FXYD2: variants seen among roughly 807,000 people sequenced by gnomAD.
FXYD2 encodes sodium/potassium-transporting ATPase subunit gamma.
In FXYD2, 8 loss-of-function variants were observed where a neutral mutation model predicts 11.8. The ratio of observed to expected loss-of-function variants is 0.68; its 90% CI spans 0.40 to 1.22. FXYD2 has a LOEUF of 1.22. Among genes scored for constraint, FXYD2 ranks in the 50% most tolerant of loss-of-function variants. FXYD2 has a pLI of 0.01. For synonymous variants in FXYD2, 42 were observed against 33.3 expected (o/e 1.26, Z -0.90); for missense variants, 92 against 91.8 (o/e 1.00, Z -0.01).
chr11:117,825,688 G>A (rs975097661), upstream of FXYD2, among the ~76,000 whole-genome samples: 2 of 151,998 alleles, frequency 1.3e-5, no homozygotes, highest in African/African-American at 2.4e-5. Flanking sequence ...TCCACACCTC[G>A]CAGGCAGCCT....
upstream of FXYD2, among the ~76,000 whole-genome samples, chr11:117,826,778 G>GTCTATCTGTCTA (rs1555040290): frequency 6.5e-4 from 82 of 125,874 alleles, no homozygotes; most frequent in East Asian, 0.014. Flanking sequence ...CTGTCTGTCT[G>GTCTATCTGTCTA]TCTATCTATC....
chr11:117,820,952 G>A, intron 3 of FXYD2, 57 bp from the exon 4 acceptor site: 1 of 1,613,820 alleles, frequency 6.2e-7, no homozygotes, highest in Admixed American at 1.7e-5. Flanking sequence ...GGAGACCCTG[G>A]AAGACTCAAA....
Position 117,822,740 on chromosome 11 carries a change from A to G in FXYD2, c.26-23T>C, listed in dbSNP as rs1158531156. 6.2e-7 allele frequency: 1 copy of G among 1,606,036 alleles called. No individual in the cohort carries two copies. Among genetic ancestry groups the G allele is most frequent in the East Asian group, 2.2e-5 (1 of 44,564 alleles). On this transcript the variant is annotated intron_variant, in intron 1 of 5. Transcript: ENST00000292079. This position sits in a 1 kb window ranked among gnomAD's most constrained non-coding sequence, Gnocchi z 4.7. ...CGCCTAGGAGAGAGCCAGAGGTGGG[A>G]TGAGAGGAGTCACCGATGGTGAGCC...
Position 117,822,314 on chromosome 11 carries a change from C to G in FXYD2, c.139+92G>C. The G allele has an allele frequency of 6.5e-7, 1 of 1,548,164 alleles. No homozygotes were observed. Among genetic ancestry groups the G allele is most frequent in the Non-Finnish European group, 8.7e-7 (1 of 1,146,556 alleles). ...GGCGTGGTGGGGAGGCTCACCCCTC[C>G]CTTGGCAACTCCCGAAAGCCAGCCT... is the stretch of plus-strand genomic sequence containing the variant. On this transcript the variant is annotated intron_variant, in intron 3 of 5. Coordinates refer to ENST00000292079, the MANE Select transcript of FXYD2 (RefSeq NM_001680.5). This position sits in a 1 kb window ranked among gnomAD's most constrained non-coding sequence, Gnocchi z 4.7.
upstream of FXYD2, chr11:117,828,012 A>G (rs758982494): frequency 8.4e-6 from 13 of 1,549,832 alleles, no homozygotes; most frequent in African/African-American, 4.1e-5. Context: ...CCACCTGTCC[A>G]TGGCAGGAGC....
chr11:117,826,385 T>G (rs1369090306), upstream of FXYD2, among the ~76,000 whole-genome samples: 1 of 152,208 alleles, frequency 6.6e-6, no homozygotes, highest in Admixed American at 6.5e-5. Context: ...TGCCAGGCTC[T>G]TGGAATGCAC....
At chr11:117,821,594 A>G (rs866833917) in intron 3 of FXYD2, 2 of 986,108 alleles carry the variant, frequency 2.0e-6, no homozygotes, top group African/African-American at 1.7e-5. Context: ...TCCTGTGCCT[A>G]TGTGATCAGC....
chr11:117,826,770 G>GTCTGTCTGTCTGTCTA (rs2056043450), upstream of FXYD2, among the ~76,000 whole-genome samples: 3 of 134,468 alleles, frequency 2.2e-5, no homozygotes, highest in South Asian at 2.4e-4. Flanking sequence ...CTGTCTGTCT[G>GTCTGTCTGTCTGTCTA]TCTGTCTGTC....
At position 117,824,563 on chromosome 11, in the gene FXYD2, G is replaced by A. The variant is rs2055993783; in HGVS notation, c.25+91C>T. On this transcript the variant is annotated intron_variant, in intron 1 of 5. Coordinates refer to ENST00000292079, the MANE Select transcript of FXYD2 (RefSeq NM_001680.5). The surrounding 1 kb of genome is among the most constrained non-coding windows in gnomAD (Gnocchi z 4.0). Reference sequence around the variant, plus strand: ...TGGAAGGCTGAGGTGGCAGGAGAGGGAAGAGTAGGGTCCAGCTGACCCCAC... The same window carrying A: ...TGGAAGGCTGAGGTGGCAGGAGAGGAAAGAGTAGGGTCCAGCTGACCCCAC... 2 of 1,027,224 alleles carry A rather than the reference G, an allele frequency of 1.9e-6. No individual in the cohort carries two copies. Among genetic ancestry groups the A allele is most frequent in the East Asian group, 2.4e-5 (1 of 41,040 alleles). 63.6% of individuals were successfully genotyped at this position (1,027,224 alleles called of 1,614,324 possible).
At position 117,824,568 on chromosome 11, in the gene FXYD2, G is replaced by T; in HGVS notation, c.25+86C>A. The T allele has an allele frequency of 9.3e-7, 1 of 1,075,810 alleles. No individual in the cohort carries two copies. Among genetic ancestry groups the T allele is most frequent in the Non-Finnish European group, 1.4e-6 (1 of 694,274 alleles). 66.6% of individuals were successfully genotyped at this position (1,075,810 alleles called of 1,614,324 possible). ...GGCTGAGGTGGCAGGAGAGGGAAGAGTAGGGTCCAGCTGACCCCACAAAGG... is the reference window on the plus strand; with the variant it reads ...GGCTGAGGTGGCAGGAGAGGGAAGATTAGGGTCCAGCTGACCCCACAAAGG... On this transcript the variant is annotated intron_variant, in intron 1 of 5. Transcript: ENST00000292079. This position sits in a 1 kb window ranked among gnomAD's most constrained non-coding sequence, Gnocchi z 4.0.
intron 3 of FXYD2, chr11:117,821,497 T>C (rs2055902851): frequency 1.0e-6 from 1 of 986,310 alleles, no homozygotes; most frequent in African/African-American, 1.7e-5. Flanking sequence ...TGGGCCATCA[T>C]GGTGCCCCCA....
intron 1 of FXYD2, among the ~76,000 whole-genome samples, chr11:117,823,645 G>A (rs981335114): frequency 6.6e-6 from 1 of 152,210 alleles, no homozygotes; most frequent in African/African-American, 2.4e-5. Flanking sequence ...ACAGCCAGAC[G>A]GTGGCCTGGC....
At chr11:117,827,536 A>G (rs2134111403), upstream of FXYD2, among the ~76,000 whole-genome samples, 1 of 152,384 alleles carries the variant, frequency 6.6e-6, no homozygotes, top group Admixed American at 6.5e-5. Flanking sequence ...GGCGTGAGCC[A>G]CCATGCCTGG....
At position 117,822,542 on chromosome 11, in the gene FXYD2, C is replaced by T. The variant is rs1330355022; in HGVS notation, c.65-62G>A. On this transcript the variant is annotated intron_variant, in intron 2 of 5. Transcript: ENST00000292079. This position sits in a 1 kb window ranked among gnomAD's most constrained non-coding sequence, Gnocchi z 4.7. ...GTCTCTCCCAGCAGCTGTCTCTCTC[C>T]GCAGCCTGCCCGCAGCAGCCCGTGG... 7.7e-6 allele frequency: 12 copies of T among 1,556,278 alleles called. No individual in the cohort carries two copies. The highest frequency in any genetic ancestry group is 3.9e-5 in the Admixed American group (2 of 51,104).
chr11:117,824,717 T>C lies in FXYD2; in HGVS notation c.-39A>G. ...TGGGCTGCCTCCACTCCCCTCTTCC[T>C]GCTGTCTCTGCTTTTTGGAGAGTGT... On this transcript the variant is annotated 5_prime_UTR_variant, in exon 1 of 6. Coordinates refer to ENST00000292079, the MANE Select transcript of FXYD2 (RefSeq NM_001680.5). This position sits in a 1 kb window ranked among gnomAD's most constrained non-coding sequence, Gnocchi z 4.0. 6.2e-7 allele frequency: 1 copy of C among 1,612,444 alleles called. No homozygotes were observed.
At chr11:117,821,406 AAGTCAGTCAGTC>A (rs1053087454) in intron 3 of FXYD2, 1 of 986,160 alleles carries the variant, frequency 1.0e-6, no homozygotes, top group East Asian at 1.1e-4. Context: ...TTAAGAACCT[AAGTCAGTCAGTC>A]AGTCAGCAAA....
At chr11:117,823,753 C>T (rs1020150080) in intron 1 of FXYD2, among the ~76,000 whole-genome samples, 3 of 152,202 alleles carry the variant, frequency 2.0e-5, no homozygotes, top group African/African-American at 4.8e-5. Flanking sequence ...GGAAGGAACG[C>T]GCAAGTTAGC....
chr11:117,824,964 C>G (rs2056003017), upstream of FXYD2, among the ~76,000 whole-genome samples: 1 of 152,162 alleles, frequency 6.6e-6, no homozygotes, highest in Admixed American at 6.5e-5. This position sits in a 1 kb window ranked among gnomAD's most constrained non-coding sequence, Gnocchi z 4.0. Flanking sequence ...GATGGGTCAG[C>G]AGTCGTGCTG....
rs766240606 is a variant in FXYD2, at chr11:117,824,701, T to G, written c.-23A>C. The G allele has an allele frequency of 6.2e-7, 1 of 1,613,712 alleles. No homozygotes were observed. Among genetic ancestry groups the G allele is most frequent in the Non-Finnish European group, 8.5e-7 (1 of 1,179,864 alleles). ...CATTTCCCCAGGTGAATGGGCTGCC[T>G]CCACTCCCCTCTTCCTGCTGTCTCT... On this transcript the variant is annotated 5_prime_UTR_variant, in exon 1 of 6. Coordinates refer to ENST00000292079, the MANE Select transcript of FXYD2 (RefSeq NM_001680.5). The surrounding 1 kb of genome is among the most constrained non-coding windows in gnomAD (Gnocchi z 4.0).
Sources: gnomAD v4.1 joint callset for allele counts (sites outside exome capture counted in the v4.1 genomes callset) on GRCh38, gnomAD v4.1.1 for gene constraint, Gnocchi (gnomAD v3.1) non-coding constraint, MANE v1.5 for transcripts, NCBI Gene and HGNC (gene_info 2026-07-23, HGNC 2026-07-21) for gene names.